CDH13: variants seen among roughly 807,000 people sequenced by gnomAD.
CDH13 encodes cadherin 13.
A neutral mutation model predicts 63.8 loss-of-function variants in CDH13; 24 were observed. The ratio of observed to expected loss-of-function variants is 0.38; its 90% CI spans 0.27 to 0.53. The LOEUF is 0.53. Among genes scored for constraint, CDH13 ranks in the 20% least tolerant of loss-of-function variants. The pLI is 0.85. For missense variants in CDH13, 1,049 were observed against 903.1 expected (o/e 1.16, Z -2.07); for synonymous variants, 503 against 355.3 (o/e 1.42, Z -4.67).
At chr16:82,967,392 G>A (rs1485730619) in intron 2 of CDH13, among the ~76,000 whole-genome samples, 1 of 152,024 alleles carries the variant, frequency 6.6e-6, no homozygotes, top group Non-Finnish European at 1.5e-5. Context: ...TCCCCATTAG[G>A]GTGTATGCTC....
At chr16:82,916,250 G>T (rs2041984889) in intron 2 of CDH13, among the ~76,000 whole-genome samples, 1 of 152,092 alleles carries the variant, frequency 6.6e-6, no homozygotes. Context: ...CAGTGTAGAA[G>T]GTGAGAGATT....
chr16:82,807,046 C>G (rs1264219129), intron 1 of CDH13, among the ~76,000 whole-genome samples: 7 of 150,270 alleles, frequency 4.7e-5, no homozygotes, highest in Non-Finnish European at 8.8e-5. Context: ...TGACAAGTAA[C>G]TTCTAGTTTC....
intron 5 of CDH13, among the ~76,000 whole-genome samples, chr16:83,220,817 A>G (rs2039678534): frequency 6.6e-6 from 1 of 152,186 alleles, no homozygotes; most frequent in African/African-American, 2.4e-5. Context: ...AAATATTTTG[A>G]TCTAAACCTC....
chr16:82,661,255 C>G (rs1333526473), intron 1 of CDH13, among the ~76,000 whole-genome samples: 10 of 152,376 alleles, frequency 6.6e-5, no homozygotes, highest in East Asian at 1.9e-4. Context: ...GACACACGCT[C>G]TGTCCATTGA....
At chr16:82,777,101 A>C (rs1467810098) in intron 1 of CDH13, among the ~76,000 whole-genome samples, 2 of 152,130 alleles carry the variant, frequency 1.3e-5, no homozygotes, top group Non-Finnish European at 2.9e-5. Context: ...ATACACTACC[A>C]CACCTGGCTG....
intron 1 of CDH13, among the ~76,000 whole-genome samples, chr16:82,682,038 T>C (rs1914606402): frequency 6.6e-6 from 1 of 152,212 alleles, no homozygotes; most frequent in Non-Finnish European, 1.5e-5. Context: ...AGCCCTTGGC[T>C]CAGGATTTAT....
chr16:83,214,493 T>G (rs1328105095), intron 4 of CDH13, among the ~76,000 whole-genome samples: 2 of 139,470 alleles, frequency 1.4e-5, no homozygotes, highest in South Asian at 4.5e-4. Flanking sequence ...GGTGGGAGAA[T>G]CACTTGAACC....
chr16:83,027,817 C>T (rs1249415685), intron 2 of CDH13, among the ~76,000 whole-genome samples: 1 of 152,148 alleles, frequency 6.6e-6, no homozygotes, highest in Non-Finnish European at 1.5e-5. Flanking sequence ...GTAGATGCCG[C>T]AGGACTTTGC....
chr16:82,968,238 A>G (rs1038051994), intron 2 of CDH13, among the ~76,000 whole-genome samples: 5 of 152,268 alleles, frequency 3.3e-5, no homozygotes, highest in Non-Finnish European at 7.4e-5. Flanking sequence ...CCTAACATGC[A>G]GTTTTTATAT....
At chr16:83,182,257 G>A (rs749307080) in intron 4 of CDH13, among the ~76,000 whole-genome samples, 1 of 152,080 alleles carries the variant, frequency 6.6e-6, no homozygotes, top group Non-Finnish European at 1.5e-5. Flanking sequence ...TGGATCTTTC[G>A]CTAAAGACTG....
intron 1 of CDH13, among the ~76,000 whole-genome samples, chr16:82,630,206 G>C (rs960077997): frequency 1.2e-4 from 18 of 152,146 alleles, no homozygotes; most frequent in Non-Finnish European, 2.4e-4. Flanking sequence ...AAGGACACAG[G>C]GTTGAAGAGG....
At chr16:83,274,348 A>G (rs2088917750) in intron 5 of CDH13, among the ~76,000 whole-genome samples, 1 of 152,096 alleles carries the variant, frequency 6.6e-6, no homozygotes, top group Non-Finnish European at 1.5e-5. Context: ...CCCTTGGTAC[A>G]TGCTCTTCTC....
intron 2 of CDH13, among the ~76,000 whole-genome samples, chr16:82,900,488 G>T (rs1423745625): frequency 6.6e-6 from 1 of 152,154 alleles, no homozygotes; most frequent in Non-Finnish European, 1.5e-5. Context: ...CAGCTGTCTT[G>T]AAAAAGCAAG....
intron 7 of CDH13, among the ~76,000 whole-genome samples, chr16:83,503,450 G>C (rs1265836588): frequency 6.6e-6 from 1 of 152,130 alleles, no homozygotes; most frequent in African/African-American, 2.4e-5. Flanking sequence ...CAGGAGGAGG[G>C]GCAGTGAGAA....
At chr16:82,682,319 A>G (rs1232498100) in intron 1 of CDH13, among the ~76,000 whole-genome samples, 1 of 152,206 alleles carries the variant, frequency 6.6e-6, no homozygotes, top group Non-Finnish European at 1.5e-5. Flanking sequence ...TGCATTTATC[A>G]AGCTTTTCTG....
intron 6 of CDH13, among the ~76,000 whole-genome samples, chr16:83,462,520 C>T (rs193261112): frequency 1.3e-5 from 2 of 152,252 alleles, no homozygotes; most frequent in East Asian, 1.9e-4. Context: ...GGGAGGCCAA[C>T]GCGAGCAGGA....
intron 1 of CDH13, among the ~76,000 whole-genome samples, chr16:82,807,395 A>T (rs1429971606): frequency 6.6e-6 from 1 of 152,158 alleles, no homozygotes; most frequent in Non-Finnish European, 1.5e-5. Flanking sequence ...GGGCGGCCTA[A>T]TTGATAGGAA....
intron 10 of CDH13, among the ~76,000 whole-genome samples, chr16:83,694,328 C>T (rs1905174557): frequency 6.6e-6 from 1 of 152,190 alleles, no homozygotes; most frequent in Non-Finnish European, 1.5e-5. Context: ...TCTACTCCTG[C>T]TGCAGTGGGA....
At chr16:83,280,760 G>A (rs972187008) in intron 5 of CDH13, among the ~76,000 whole-genome samples, 21 of 152,170 alleles carry the variant, frequency 1.4e-4, no homozygotes, top group African/African-American at 5.1e-4. Flanking sequence ...CTTGATCCAT[G>A]AGTTGAAAAA....
Sources: gnomAD v4.1 joint callset for allele counts (sites outside exome capture counted in the v4.1 genomes callset) on GRCh38, gnomAD v4.1.1 for gene constraint, MANE v1.5 for transcripts, NCBI Gene and HGNC (gene_info 2026-07-23, HGNC 2026-07-21) for gene names.